KCNIP4: variants seen among roughly 807,000 people sequenced by gnomAD.
KCNIP4 encodes the protein potassium voltage-gated channel interacting protein 4.
In KCNIP4, 12 loss-of-function variants were observed where a neutral mutation model predicts 34.0. The observed-to-expected ratio is 0.35, with a 90% CI of 0.23 to 0.57. The LOEUF (loss-of-function observed/expected upper bound fraction) is 0.57. Ranked by LOEUF, KCNIP4 falls within the 20% of genes least tolerant of loss-of-function variation. The probability of loss-of-function intolerance (pLI) is 0.83; values close to 1 mark genes in which losing one functional copy is unlikely to be tolerated. For missense variants in KCNIP4, 238 were observed against 311.7 expected (o/e 0.76, Z 1.78); for synonymous variants, 124 against 102.2 (o/e 1.21, Z -1.29).
chr4:20,770,030 T>C (rs1755735757), intron 3 of KCNIP4, among the ~76,000 whole-genome samples: 1 of 152,190 alleles, frequency 6.6e-6, no homozygotes, highest in African/African-American at 2.4e-5. Flanking sequence ...CCTTGCTTAG[T>C]ATTTGATTGG....
At chr4:21,746,782 A>C (rs1422469097) in intron 1 of KCNIP4, among the ~76,000 whole-genome samples, 1 of 152,142 alleles carries the variant, frequency 6.6e-6, no homozygotes, top group Non-Finnish European at 1.5e-5. Flanking sequence ...GGTGTGAGTA[A>C]TAACTATCAA....
At chr4:21,249,386 G>C (rs1458038782) in intron 1 of KCNIP4, among the ~76,000 whole-genome samples, 1 of 152,088 alleles carries the variant, frequency 6.6e-6, no homozygotes, top group East Asian at 1.9e-4. Context: ...AGTGGGCTGG[G>C]GAAGGGTAAA....
intron 1 of KCNIP4, among the ~76,000 whole-genome samples, chr4:21,600,148 G>A (rs918244037): frequency 2.1e-4 from 32 of 152,182 alleles, no homozygotes; most frequent in African/African-American, 7.5e-4. Flanking sequence ...GCTTGGTGAT[G>A]CTAAGGTATG....
At chr4:21,587,079 T>G (rs1249615955) in intron 1 of KCNIP4, among the ~76,000 whole-genome samples, 1 of 152,096 alleles carries the variant, frequency 6.6e-6, no homozygotes. Flanking sequence ...TTGCATCTAC[T>G]TTGAGGAATT....
chr4:21,821,208 C>G (rs940179717), intron 1 of KCNIP4, among the ~76,000 whole-genome samples: 4 of 152,064 alleles, frequency 2.6e-5, no homozygotes, highest in African/African-American at 9.7e-5. Context: ...ACCTGACCTG[C>G]AGGCAATTGT....
intron 1 of KCNIP4, among the ~76,000 whole-genome samples, chr4:20,980,238 C>G (rs1401492192): frequency 6.6e-6 from 1 of 152,204 alleles, no homozygotes; most frequent in African/African-American, 2.4e-5. Context: ...TCATCTTGCA[C>G]TTTCCCACCC....
intron 1 of KCNIP4, among the ~76,000 whole-genome samples, chr4:21,049,051 C>T (rs1742694913): frequency 6.7e-6 from 1 of 148,418 alleles, no homozygotes; most frequent in South Asian, 2.2e-4. Flanking sequence ...CCCGGGTTCA[C>T]GCCATTCTCC....
intron 1 of KCNIP4, among the ~76,000 whole-genome samples, chr4:20,918,002 T>G (rs1729018830): frequency 6.6e-6 from 1 of 152,272 alleles, no homozygotes; most frequent in African/African-American, 2.4e-5. Flanking sequence ...TGATTTTTCC[T>G]CCTTTCCAAG....
intron 1 of KCNIP4, among the ~76,000 whole-genome samples, chr4:21,296,759 T>C (rs1446736953): frequency 6.6e-6 from 1 of 151,984 alleles, no homozygotes; most frequent in African/African-American, 2.4e-5. Context: ...GCCAGATTTG[T>C]CTTGATGATT....
chr4:21,058,389 A>T (rs559105504), intron 1 of KCNIP4, among the ~76,000 whole-genome samples: 8 of 152,086 alleles, frequency 5.3e-5, no homozygotes, highest in Non-Finnish European at 1.0e-4. Context: ...TGCAGGAATT[A>T]AAGGGGCAGC....
chr4:20,923,361 C>G (rs191240317), intron 1 of KCNIP4, among the ~76,000 whole-genome samples: 1 of 152,288 alleles, frequency 6.6e-6, no homozygotes. Flanking sequence ...AATTTTCACA[C>G]CATTCCTAAC....
intron 1 of KCNIP4, among the ~76,000 whole-genome samples, chr4:21,906,929 C>A (rs1728037888): frequency 6.6e-6 from 1 of 152,100 alleles, no homozygotes; most frequent in Admixed American, 6.6e-5. Context: ...TTTTCTAGCT[C>A]ACTATAATAT....
In KCNIP4 at chr4:21,056,228, C is replaced by T. The variant is rs185266651; in HGVS notation, c.62-173519G>A. 2.8e-3 allele frequency among the ~76,000 whole-genome samples: 419 copies of T among 152,198 alleles called. 7 individuals carry two copies. The highest frequency in any genetic ancestry group is 6.2e-4 in the Non-Finnish European group (42 of 67,996). On this transcript the variant is annotated intron_variant, in intron 1 of 8. Coordinates refer to ENST00000382152, the MANE Select transcript of KCNIP4 (RefSeq NM_025221.6). Reference sequence around the variant, plus strand: ...TAGCTTAATCTCCCCACCTATTTTCCTCCACCATCTTTGTAGTAAATTTGA... The same window carrying T: ...TAGCTTAATCTCCCCACCTATTTTCTTCCACCATCTTTGTAGTAAATTTGA...
chr4:21,280,644 G>T (rs1762719419), intron 1 of KCNIP4, among the ~76,000 whole-genome samples: 1 of 152,096 alleles, frequency 6.6e-6, no homozygotes. Context: ...ATAACCTACA[G>T]AAAGTATTTG....
chr4:21,259,885 C>CTGTGTGTGTGTGTGTGTGTG (rs4054880), intron 1 of KCNIP4, among the ~76,000 whole-genome samples: 321 of 146,004 alleles, frequency 2.2e-3, no homozygotes, highest in Middle Eastern at 3.5e-3. Flanking sequence ...GCGCCCAAGA[C>CTGTGTGTGTGTGTGTGTGTG]TGTGTGTGTG....
intron 1 of KCNIP4, among the ~76,000 whole-genome samples, chr4:21,843,129 C>G (rs1254807525): frequency 6.6e-6 from 1 of 151,966 alleles, no homozygotes; most frequent in African/African-American, 2.4e-5. Flanking sequence ...TGTGATTCAT[C>G]CTGTAAATTA....
rs539690633 is a variant in KCNIP4, at chr4:20,776,712, C to T, written c.289-17822G>A. On this transcript the variant is annotated intron_variant, in intron 3 of 8. Coordinates refer to ENST00000382152, the MANE Select transcript of KCNIP4 (RefSeq NM_025221.6). ...TTTTATTTTTTTCCATTTTATGCCA[C>T]TGTGCCAGGCACTGTCCATTTTATG... Among the ~76,000 whole-genome samples the T allele has an allele frequency of 2.0e-5, 3 of 152,258 alleles. No individual in the cohort carries two copies. In the South Asian group the frequency reaches 6.2e-4, roughly 32 times the overall value.
chr4:21,795,375 C>CA (rs1296462543), intron 1 of KCNIP4, among the ~76,000 whole-genome samples: 1 of 152,174 alleles, frequency 6.6e-6, no homozygotes, highest in African/African-American at 2.4e-5. Flanking sequence ...GTAAGCCACC[C>CA]AGTCTGTGGT....
intron 1 of KCNIP4, among the ~76,000 whole-genome samples, chr4:21,786,869 G>A (rs952288246): frequency 1.3e-5 from 2 of 151,876 alleles, no homozygotes; most frequent in Non-Finnish European, 2.9e-5. Flanking sequence ...CCCGCCGAGA[G>A]TAACTCTTTT....
Sources: allele counts gnomAD v4.1 joint callset (sites outside exome capture counted in the v4.1 genomes callset), GRCh38; gene constraint gnomAD v4.1.1; transcripts MANE v1.5; gene names NCBI Gene and HGNC (gene_info 2026-07-23, HGNC 2026-07-21).